DNAI7: variants seen among roughly 807,000 people sequenced by gnomAD.
DNAI7 encodes dynein axonemal intermediate chain 7.
In DNAI7, 78 loss-of-function variants were observed where a neutral mutation model predicts 86.6. The observed-to-expected ratio is 0.90, with a 90% CI of 0.75 to 1.09. DNAI7 has a LOEUF of 1.09. Among genes scored for constraint, DNAI7 ranks in the 50% least tolerant of loss-of-function variants. The probability of loss-of-function intolerance (pLI) is 0.00; values close to 1 mark genes in which losing one functional copy is unlikely to be tolerated. For missense variants in DNAI7, 753 were observed against 810.2 expected (o/e 0.93, Z 0.86); for synonymous variants, 274 against 273.0 (o/e 1.00, Z -0.04).
At chr12:25,123,403 C>A in intron 9 of DNAI7, 117 bp from the exon 10 acceptor site, 1 of 537,660 alleles carries the variant, frequency 1.9e-6, no homozygotes. Context: ...GGCTGAAAAC[C>A]CCAAACTGAT....
rs78647162 is a variant in DNAI7 at position 25,184,242 on chromosome 12, G to A, written c.21+6372C>T. ...ATTTTAGAACATTTTTCATCACCCC[G>A]AAATAGAAATCTTATACTCATTAGT... On this transcript the variant is annotated intron_variant, in intron 2 of 15. Coordinates refer to ENST00000395987, the MANE Select transcript of DNAI7 (RefSeq NM_018272.5). Among the ~76,000 whole-genome samples, 47 of 152,130 alleles carry A rather than the reference G, an allele frequency of 3.1e-4. 1 individual carries two copies. In the East Asian group the frequency reaches 6.2e-3, roughly 20 times the overall value.
At chr12:25,173,590 C>A (rs1037165944) in intron 2 of DNAI7, among the ~76,000 whole-genome samples, 3 of 151,998 alleles carry the variant, frequency 2.0e-5, no homozygotes, top group African/African-American at 7.2e-5. Context: ...ATCCAGCAAT[C>A]CCACTACTGG....
intron 9 of DNAI7, among the ~76,000 whole-genome samples, chr12:25,141,851 C>T (rs1283952681): frequency 6.6e-6 from 1 of 151,054 alleles, no homozygotes; most frequent in Non-Finnish European, 1.5e-5. Context: ...AAAAAAAGGC[C>T]ATAATTTAAA....
intron 12 of DNAI7, among the ~76,000 whole-genome samples, chr12:25,117,617 A>G (rs976466249): frequency 6.6e-6 from 1 of 152,182 alleles, no homozygotes; most frequent in African/African-American, 2.4e-5. Flanking sequence ...CAAAAGAGGT[A>G]TTTGTTAATG....
At chr12:25,141,413 T>C (rs532946789) in intron 9 of DNAI7, among the ~76,000 whole-genome samples, 2 of 152,204 alleles carry the variant, frequency 1.3e-5, no homozygotes, top group African/African-American at 4.8e-5. Flanking sequence ...AGGACCTGAA[T>C]AGACAATTCT....
chr12:25,146,461 T>C (rs1420856130), intron 8 of DNAI7, among the ~76,000 whole-genome samples: 1 of 151,602 alleles, frequency 6.6e-6, no homozygotes, highest in Admixed American at 6.6e-5. Flanking sequence ...TAGCCAGGTG[T>C]GGTGGCGTGC....
rs766433679 is a variant in DNAI7, at chr12:25,108,620, CCTGA to C, written c.2093_2096del (p.Val698GlyfsTer33). On this transcript the variant is annotated frameshift_variant, in exon 16 of 16. Transcript: ENST00000395987. LOFTEE classifies it low-confidence loss of function (END_TRUNC). ...AGTTGACAAACTGACAGTTGGAACT[CCTGA>C]CTTTCTCCATTGCTTCCTCAGAAGC... The C allele has an allele frequency of 3.1e-6, 5 of 1,613,538 alleles. No homozygotes were observed. The highest frequency in any genetic ancestry group is 2.2e-5 in the South Asian group (2 of 91,058).
chr12:25,185,788 TA>T, intron 2 of DNAI7: 1 of 982,702 alleles, frequency 1.0e-6, no homozygotes, highest in African/African-American at 1.7e-5. Context: ...ACAGTGTTCC[TA>T]AATGAAAATA....
intron 14 of DNAI7, 128 bp from the exon 15 acceptor site, chr12:25,110,368 C>T: frequency 1.6e-6 from 1 of 628,936 alleles, no homozygotes; most frequent in South Asian, 1.9e-5. Flanking sequence ...GAGTACATGA[C>T]TCCTCTCTCA....
intron 11 of DNAI7, among the ~76,000 whole-genome samples, chr12:25,121,069 A>T (rs1325752988): frequency 6.6e-6 from 1 of 152,164 alleles, no homozygotes; most frequent in East Asian, 1.9e-4. Context: ...CAGACTAGTG[A>T]TTTCCAAACT....
Position 25,119,288 on chromosome 12 carries a change from C to T in DNAI7, c.1253G>A (p.Gly418Glu), listed in dbSNP as rs1940802123. The change falls in exon 12 of 16, where the codon GGA (glycine) becomes GAA (glutamate). Residue 418 changes from glycine to glutamate, a missense_variant. Coordinates refer to ENST00000395987, the MANE Select transcript of DNAI7 (RefSeq NM_018272.5). Reference protein sequence around the residue: ...GWMIVEILKEGLQKYTYPPET... With the variant: ...GWMIVEILKEELQKYTYPPET... ...CGGAGGATATGTGTATTTCTGTAAT[C>T]CTTCTTTGAGTATCTTTTTAAAATG... 1.2e-6 allele frequency: 2 copies of T among 1,603,054 alleles called. No homozygotes were observed. The highest frequency in any genetic ancestry group is 1.7e-6 in the Non-Finnish European group (2 of 1,175,986).
intron 2 of DNAI7, among the ~76,000 whole-genome samples, chr12:25,163,655 C>T (rs536245873): frequency 6.6e-6 from 1 of 152,156 alleles, no homozygotes; most frequent in Non-Finnish European, 1.5e-5. Context: ...ATCAGGGGAC[C>T]TCCCTTGGGA....
At chr12:25,114,159 C>T (rs1222883190) in intron 13 of DNAI7, among the ~76,000 whole-genome samples, 4 of 151,168 alleles carry the variant, frequency 2.6e-5, no homozygotes, top group Non-Finnish European at 3.0e-5. Flanking sequence ...AGGCTGGTCT[C>T]GAACTGCTGA....
Position 25,171,037 on chromosome 12 carries a change from A to G in DNAI7, c.22-9840T>C, listed in dbSNP as rs541675582. On this transcript the variant is annotated intron_variant, in intron 2 of 15. Transcript: ENST00000395987. ...ACATCAAAAAATCTGAAAGAGCACA[A>G]ACAGGCAATCTAAGGTCACACCTCA... Among the ~76,000 whole-genome samples the G allele has an allele frequency of 9.2e-5, 14 of 152,294 alleles. No individual in the cohort carries two copies. The South Asian group carries it at 2.7e-3, about 29-fold the overall frequency.
chr12:25,128,000 T>G (rs1050354032), intron 9 of DNAI7, among the ~76,000 whole-genome samples: 5 of 152,188 alleles, frequency 3.3e-5, no homozygotes, highest in Non-Finnish European at 7.3e-5. Flanking sequence ...TCCAGATGGA[T>G]ATAAGATTTA....
chr12:25,164,758 G>A (rs994344071), intron 2 of DNAI7, among the ~76,000 whole-genome samples: 8 of 151,708 alleles, frequency 5.3e-5, no homozygotes, highest in African/African-American at 1.7e-4. Context: ...CCCACGCGTC[G>A]CTGAGTCTTC....
intron 2 of DNAI7, among the ~76,000 whole-genome samples, chr12:25,178,752 C>G (rs1370129161): frequency 6.6e-6 from 1 of 152,024 alleles, no homozygotes; most frequent in Admixed American, 6.6e-5. Context: ...GACGAAATCA[C>G]AATTCTAAAT....
At chr12:25,188,288 T>C (rs1337486630) in intron 2 of DNAI7, among the ~76,000 whole-genome samples, 1 of 152,214 alleles carries the variant, frequency 6.6e-6, no homozygotes, top group African/African-American at 2.4e-5. Context: ...AAGGGGTCTC[T>C]GTGTGTGTAC....
chr12:25,130,576 T>C (rs1047018241), intron 9 of DNAI7, among the ~76,000 whole-genome samples: 1 of 82,500 alleles, frequency 1.2e-5, no homozygotes, highest in African/African-American at 3.0e-5. Flanking sequence ...TAAAATAAAA[T>C]AAAATAAAAT....
Sources: allele counts gnomAD v4.1 joint callset (sites outside exome capture counted in the v4.1 genomes callset), GRCh38; gene constraint gnomAD v4.1.1; transcripts MANE v1.5; gene names NCBI Gene and HGNC (gene_info 2026-07-23, HGNC 2026-07-21).